IL1R1: variants seen among roughly 807,000 people sequenced by gnomAD.
The protein encoded by IL1R1 is interleukin-1 receptor type 1.
A neutral mutation model predicts 50.2 loss-of-function variants in IL1R1; 22 were observed. That is an observed-to-expected ratio of 0.44 (90% CI 0.31 to 0.63). The LOEUF is 0.63. Ranked by LOEUF, IL1R1 falls within the 20% of genes least tolerant of loss-of-function variation. The probability of loss-of-function intolerance (pLI) is 0.07; values close to 1 mark genes in which losing one functional copy is unlikely to be tolerated. For missense variants in IL1R1, 509 were observed against 676.2 expected, an observed-to-expected ratio of 0.75 and a Z score of 2.74; for synonymous variants, 251 against 236.7, an observed-to-expected ratio of 1.06 and a Z score of -0.55.
chr2:102,082,153 C>T (rs1679238852), intron 1 of IL1R1, among the ~76,000 whole-genome samples: 1 of 152,080 alleles, frequency 6.6e-6, no homozygotes, highest in African/African-American at 2.4e-5. Context: ...TCCTTCTTGG[C>T]TTTATAACTA....
chr2:102,145,473 A>G (rs1347037596), intron 1 of IL1R1, among the ~76,000 whole-genome samples: 2 of 152,158 alleles, frequency 1.3e-5, no homozygotes, highest in East Asian at 1.9e-4. Context: ...AGTCGCCTGC[A>G]TGTTGGATTC....
At chr2:102,148,150 T>C (rs983295412) in intron 1 of IL1R1, among the ~76,000 whole-genome samples, 4 of 152,182 alleles carry the variant, frequency 2.6e-5, no homozygotes, top group African/African-American at 9.7e-5. Context: ...TGTGTGCACA[T>C]GATAGAGCGT....
chr2:102,071,798 A>G (rs1428499814), intron 1 of IL1R1, among the ~76,000 whole-genome samples: 1 of 152,220 alleles, frequency 6.6e-6, no homozygotes, highest in Non-Finnish European at 1.5e-5. Context: ...TGTGCCAAGA[A>G]GGAGGTGTGA....
intron 1 of IL1R1, among the ~76,000 whole-genome samples, chr2:102,129,344 G>A (rs1433692339): frequency 2.0e-5 from 3 of 152,140 alleles, no homozygotes; most frequent in Non-Finnish European, 4.4e-5. Context: ...AACCATTCAT[G>A]GTTATAAGCA....
chr2:102,154,929 G>A (rs1684033320), intron 2 of IL1R1, among the ~76,000 whole-genome samples: 1 of 152,132 alleles, frequency 6.6e-6, no homozygotes, highest in Admixed American at 6.5e-5. Flanking sequence ...TCCAGGCTGA[G>A]TTAGCCTCTG....
exon 1 of IL1R1, chr2:102,104,593 G>C (rs967134702): frequency 6.6e-6 from 1 of 152,082 alleles, no homozygotes; most frequent in East Asian, 1.9e-4. Context: ...CTAAGAGGCT[G>C]TGACACAGCC....
At chr2:102,086,524 C>T (rs531473930) in intron 1 of IL1R1, among the ~76,000 whole-genome samples, 77 of 148,602 alleles carry the variant, frequency 5.2e-4, no homozygotes, top group African/African-American at 1.6e-3. Flanking sequence ...ATATTTTCTA[C>T]GCCTTTCTCC....
rs1385601620 is a variant in IL1R1 at position 102,174,596 on chromosome 2, T to G, written c.1001T>G (p.Phe334Cys). Residue 334 changes from phenylalanine (F) to cysteine (C), a missense_variant, in exon 10 of 12, where the codon TTC becomes TGC. Transcript: ENST00000410023. ...TTTCTTTTTGCTATAGTCACTAATT[T>G]CCAGAAGCACATGATTGGTATATGT... ...YIQLIYPVTN[F>C]QKHMIGICVT... The G allele has an allele frequency of 6.4e-7, 1 of 1,571,474 alleles. No homozygotes were observed.
At chr2:102,117,829 C>T (rs1681172060) in intron 1 of IL1R1, among the ~76,000 whole-genome samples, 2 of 152,052 alleles carry the variant, frequency 1.3e-5, no homozygotes, top group Admixed American at 1.3e-4. Flanking sequence ...TTATTAGGAC[C>T]TTGGAAGAGT....
chr2:102,128,534 G>A (rs1185178108), intron 1 of IL1R1, among the ~76,000 whole-genome samples: 4 of 152,094 alleles, frequency 2.6e-5, no homozygotes, highest in Non-Finnish European at 5.9e-5. Context: ...GGGGACTATT[G>A]ATAACATTAT....
At chr2:102,143,511 G>A (rs1047414741) in intron 1 of IL1R1, among the ~76,000 whole-genome samples, 3 of 152,212 alleles carry the variant, frequency 2.0e-5, no homozygotes, top group Non-Finnish European at 4.4e-5. Flanking sequence ...ATTTACAACA[G>A]TCATGCCCAG....
At chr2:102,163,313 T>C (rs3917274) in intron 3 of IL1R1, among the ~76,000 whole-genome samples, 28 of 152,322 alleles carry the variant, frequency 1.8e-4, no homozygotes, top group African/African-American at 6.5e-4. Flanking sequence ...TTCAAATATG[T>C]TTTCTGTTTT....
At chr2:102,076,689 C>CT (rs1342773847) in intron 1 of IL1R1, among the ~76,000 whole-genome samples, 26 of 151,550 alleles carry the variant, frequency 1.7e-4, no homozygotes, top group African/African-American at 4.6e-4. Flanking sequence ...ATTCTTTTTT[C>CT]TTTTTTTTGC....
chr2:102,074,379 G>A (rs753301204), intron 1 of IL1R1, among the ~76,000 whole-genome samples: 36 of 108,132 alleles, frequency 3.3e-4, no homozygotes, highest in Non-Finnish European at 5.7e-4. Flanking sequence ...GGCTCAGATG[G>A]CAAGCTGTGA....
intron 1 of IL1R1, among the ~76,000 whole-genome samples, chr2:102,086,895 A>T (rs1679455333): frequency 6.6e-6 from 1 of 152,102 alleles, no homozygotes; most frequent in Non-Finnish European, 1.5e-5. Context: ...TGAAGCCCAT[A>T]TTTTTTAAGA....
At chr2:102,157,649 T>C in intron 2 of IL1R1, 70 bp from the exon 3 acceptor site, 2 of 963,590 alleles carry the variant, frequency 2.1e-6, no homozygotes, top group Non-Finnish European at 3.3e-6. Flanking sequence ...TTGGTATATT[T>C]AGTTTTAGAG....
chr2:102,133,835 G>C (rs770932702), intron 1 of IL1R1, among the ~76,000 whole-genome samples: 5 of 151,426 alleles, frequency 3.3e-5, no homozygotes, highest in Non-Finnish European at 7.4e-5. Flanking sequence ...CTAGGATCAG[G>C]AACAAGGCAA....
chr2:102,103,232 A>G (rs1306723822), upstream of IL1R1, among the ~76,000 whole-genome samples: 1 of 152,178 alleles, frequency 6.6e-6, no homozygotes, highest in South Asian at 2.1e-4. Context: ...CACTTCTGCT[A>G]TCTCCGTTAT....
At chr2:102,149,137 T>G (rs1206573556) in intron 1 of IL1R1, among the ~76,000 whole-genome samples, 1 of 152,222 alleles carries the variant, frequency 6.6e-6, no homozygotes, top group African/African-American at 2.4e-5. Flanking sequence ...GACTCATTCA[T>G]GGTCACTTCT....
Sources: gnomAD v4.1 joint callset for allele counts (sites outside exome capture counted in the v4.1 genomes callset) on GRCh38, gnomAD v4.1.1 for gene constraint, MANE v1.5 for transcripts, NCBI Gene and HGNC (gene_info 2026-07-23, HGNC 2026-07-21) for gene names.